The following PRELID2 variants were observed in gnomAD, a reference collection of about 807,000 sequenced individuals.
The protein encoded by PRELID2 is PRELI domain containing 2, also known as PRELI domain-containing protein 2.
A neutral mutation model predicts 28.4 loss-of-function variants in PRELID2; 25 were observed. That is an observed-to-expected ratio of 0.88 (90% CI 0.64 to 1.23). PRELID2 has a LOEUF of 1.23. PRELID2 is among the 50% of genes most tolerant of loss of function. PRELID2 has a pLI of 0.00. For missense variants in PRELID2, 201 were observed against 214.4 expected (o/e 0.94, Z 0.39); for synonymous variants, 76 against 71.6 (o/e 1.06, Z -0.31).
chr5:145,669,414 C>A (rs915726364), intron 1 of PRELID2, among the ~76,000 whole-genome samples: 6 of 152,028 alleles, frequency 3.9e-5, no homozygotes, highest in African/African-American at 1.4e-4. Flanking sequence ...GGGTCTTTAT[C>A]CCAGTATTAT....
At chr5:145,296,942 G>A in the PRELID2 span, among the ~76,000 whole-genome samples, 1 of 152,222 alleles carries the variant, frequency 6.6e-6, no homozygotes, top group Non-Finnish European at 1.5e-5. Flanking sequence ...CTGATGGCCA[G>A]TGATGGTGAG....
the PRELID2 span, among the ~76,000 whole-genome samples, chr5:145,342,402 T>G: frequency 6.6e-6 from 1 of 151,858 alleles, no homozygotes; most frequent in Non-Finnish European, 1.5e-5. Flanking sequence ...ACCACAATTA[T>G]AAACAAGAGA....
the PRELID2 span, among the ~76,000 whole-genome samples, chr5:145,364,062 C>A: frequency 5.9e-5 from 9 of 151,836 alleles, no homozygotes; most frequent in Non-Finnish European, 1.2e-4. Context: ...GAAACAGATA[C>A]CCAATAATGG....
At chr5:145,407,320 A>G in the PRELID2 span, among the ~76,000 whole-genome samples, 1 of 152,228 alleles carries the variant, frequency 6.6e-6, no homozygotes, top group South Asian at 2.1e-4. Flanking sequence ...GCTCTGGATA[A>G]GGCCTGTCAC....
At chr5:145,287,168 A>G in the PRELID2 span, among the ~76,000 whole-genome samples, 2 of 152,126 alleles carry the variant, frequency 1.3e-5, no homozygotes, top group African/African-American at 4.8e-5. Flanking sequence ...AACTGCATTC[A>G]TTTCTATGCA....
the PRELID2 span, among the ~76,000 whole-genome samples, chr5:145,252,033 A>C: frequency 6.6e-6 from 1 of 151,994 alleles, no homozygotes; most frequent in Admixed American, 6.6e-5. Context: ...AATTTGAAAT[A>C]GTGATGTTTT....
chr5:145,575,058 G>A (rs1753049110), intron 1 of PRELID2, among the ~76,000 whole-genome samples: 1 of 152,176 alleles, frequency 6.6e-6, no homozygotes, highest in South Asian at 2.1e-4. Context: ...AGACCTTTGA[G>A]TGATAGGAAA....
In PRELID2 at chr5:145,644,954, A is replaced by C. The variant is rs182698894; in HGVS notation, n.70+119977T>G. ...TTCCAACTATGTGGTCAATTTTAGA[A>C]TAAGTGTGATGAGGTGCTAAAAAGA... is the stretch of plus-strand genomic sequence containing the variant. On this transcript the variant is annotated intron_variant and non_coding_transcript_variant, in intron 1 of 2. Transcript: ENST00000510259. Among the ~76,000 whole-genome samples, 5 of 152,324 alleles carry C rather than the reference A, an allele frequency of 3.3e-5. No homozygotes were observed. The East Asian group carries it at 9.6e-4, about 29-fold the overall frequency.
the PRELID2 span, among the ~76,000 whole-genome samples, chr5:145,345,767 GGATTCAA>G: frequency 6.6e-6 from 1 of 151,910 alleles, no homozygotes; most frequent in Non-Finnish European, 1.5e-5. Flanking sequence ...AAATATAAAG[GGATTCAA>G]GATTCAAGAT....
At chr5:145,410,264 G>A in the PRELID2 span, among the ~76,000 whole-genome samples, 156 of 152,272 alleles carry the variant, frequency 1.0e-3, no homozygotes, top group African/African-American at 3.5e-3. Flanking sequence ...AATAGTTTAT[G>A]ACCAAGAATC....
the PRELID2 span, among the ~76,000 whole-genome samples, chr5:145,427,799 G>A: frequency 2.6e-5 from 4 of 152,282 alleles, no homozygotes; most frequent in Non-Finnish European, 4.4e-5. Context: ...GTTCAGGGAT[G>A]TAATCATGAA....
intron 1 of PRELID2, among the ~76,000 whole-genome samples, chr5:145,676,555 C>T (rs1459444206): frequency 3.9e-5 from 6 of 152,114 alleles, no homozygotes; most frequent in Non-Finnish European, 8.8e-5. Flanking sequence ...ACAACAACAA[C>T]AACACAACTC....
At chr5:145,596,089 G>C (rs1254945333) in intron 1 of PRELID2, among the ~76,000 whole-genome samples, 34 of 99,512 alleles carry the variant, frequency 3.4e-4, no homozygotes, top group Non-Finnish European at 2.0e-4. Flanking sequence ...GACAGAGTGA[G>C]AGCCTGTCTC....
intron 1 of PRELID2, among the ~76,000 whole-genome samples, chr5:145,589,942 T>C (rs866648086): frequency 6.6e-6 from 1 of 152,214 alleles, no homozygotes; most frequent in Non-Finnish European, 1.5e-5. Flanking sequence ...GAATAGCCCA[T>C]CAGCTCCTCA....
chr5:145,360,750 A>G, the PRELID2 span, among the ~76,000 whole-genome samples: 1 of 152,182 alleles, frequency 6.6e-6, no homozygotes, highest in African/African-American at 2.4e-5. Context: ...AGTTATAATA[A>G]TTCCAATCCT....
the PRELID2 span, among the ~76,000 whole-genome samples, chr5:145,292,896 AT>A: frequency 7.9e-5 from 12 of 151,414 alleles, no homozygotes; most frequent in East Asian, 5.9e-4. Flanking sequence ...TTTTATTATT[AT>A]TTTTTTTGAG....
chr5:145,515,008 T>A (rs1752504006), intron 1 of PRELID2, among the ~76,000 whole-genome samples: 2 of 152,150 alleles, frequency 1.3e-5, no homozygotes, highest in South Asian at 4.2e-4. Context: ...GCTGAAGCAG[T>A]GTTTAGAGGG....
At chr5:145,553,813 T>C (rs1477444407) in intron 1 of PRELID2, among the ~76,000 whole-genome samples, 1 of 152,182 alleles carries the variant, frequency 6.6e-6, no homozygotes, top group African/African-American at 2.4e-5. Context: ...CTCTTGAAAT[T>C]GGATGCGGAG....
exon 3 of PRELID2, chr5:145,471,976 T>A (rs1189103691): frequency 6.6e-6 from 1 of 152,220 alleles, no homozygotes; most frequent in Non-Finnish European, 1.5e-5. Flanking sequence ...ATTTGAGTCA[T>A]CATTGTTTAG....
Sources: allele counts gnomAD v4.1 joint callset (sites outside exome capture counted in the v4.1 genomes callset), GRCh38; gene constraint gnomAD v4.1.1; transcripts MANE v1.5; gene names NCBI Gene and HGNC (gene_info 2026-07-23, HGNC 2026-07-21).